DMRT1: variants seen among roughly 807,000 people sequenced by gnomAD.
The protein encoded by DMRT1 is doublesex- and mab-3-related transcription factor 1.
A neutral mutation model predicts 32.3 loss-of-function variants in DMRT1; 7 were observed. The observed-to-expected ratio is 0.22, with a 90% confidence interval of 0.12 to 0.41. The LOEUF (loss-of-function observed/expected upper bound fraction) is 0.41. DMRT1 is among the 10% of genes least tolerant of loss of function. The pLI, the probability that DMRT1 is intolerant of heterozygous loss-of-function variation, is 1.00. For missense variants in DMRT1, 625 were observed against 500.5 expected (o/e 1.25, Z -2.37); for synonymous variants, 278 against 206.1 (o/e 1.35, Z -2.99).
At position 965,994 on chromosome 9, in the gene DMRT1, G is replaced by C. The variant is rs985660442; in HGVS notation, c.968-1991G>C. On this transcript the variant is annotated intron_variant, in intron 4 of 4. Coordinates refer to ENST00000382276, the MANE Select transcript of DMRT1 (RefSeq NM_021951.3). This position sits in a 1 kb window ranked among gnomAD's most constrained non-coding sequence, Gnocchi z 4.5. ...TGTTCTTCTCCATAGCTTCTATACAGAGAAACTTCTGTCACTGGTTGGGGG... is the reference window on the plus strand; with the variant it reads ...TGTTCTTCTCCATAGCTTCTATACACAGAAACTTCTGTCACTGGTTGGGGG... 6.6e-6 allele frequency among the ~76,000 whole-genome samples: 1 copy of C among 152,144 alleles called. No homozygotes were observed. Among genetic ancestry groups the C allele is most frequent in the African/African-American group, 2.4e-5 (1 of 41,424 alleles).
intron 2 of DMRT1, among the ~76,000 whole-genome samples, chr9:888,352 C>G (rs1280227288): frequency 6.6e-6 from 1 of 150,674 alleles, no homozygotes; most frequent in East Asian, 1.9e-4. Context: ...TTTGCCCAGG[C>G]TGGAGTGCAG....
intron 3 of DMRT1, among the ~76,000 whole-genome samples, chr9:896,008 G>T (rs1817344843): frequency 6.6e-6 from 1 of 151,434 alleles, no homozygotes; most frequent in Non-Finnish European, 1.5e-5. Context: ...TTTCACCATG[G>T]TGGCCACGAT....
At chr9:875,542 C>G (rs1230374822) in intron 2 of DMRT1, among the ~76,000 whole-genome samples, 1 of 152,154 alleles carries the variant, frequency 6.6e-6, no homozygotes, top group Non-Finnish European at 1.5e-5. Context: ...TCCAGATGTA[C>G]AAATTCTGTA....
At chr9:869,790 A>C (rs566889804) in intron 2 of DMRT1, among the ~76,000 whole-genome samples, 47 of 152,134 alleles carry the variant, frequency 3.1e-4, no homozygotes, top group South Asian at 1.9e-3. Context: ...TCTGTCGCAC[A>C]GTTAATAGTC....
chr9:947,719 C>A (rs1416810206), intron 4 of DMRT1, among the ~76,000 whole-genome samples: 2 of 152,080 alleles, frequency 1.3e-5, no homozygotes, highest in African/African-American at 2.4e-5. Flanking sequence ...CGCCTCCCGA[C>A]CAACCCCTTC....
intron 1 of DMRT1, 57 bp from the exon 2 acceptor site, chr9:846,903 T>C: frequency 6.2e-7 from 1 of 1,608,506 alleles, no homozygotes; most frequent in Non-Finnish European, 8.5e-7. Context: ...GGCTTCTGTG[T>C]TTTGGCAAAG....
chr9:918,103 A>T (rs1818240266), intron 4 of DMRT1, among the ~76,000 whole-genome samples: 1 of 152,174 alleles, frequency 6.6e-6, no homozygotes, highest in African/African-American at 2.4e-5. Context: ...ATACTTTCTT[A>T]CCTGCTGTGA....
intron 4 of DMRT1, among the ~76,000 whole-genome samples, chr9:954,535 G>A (rs73380492): frequency 0.029 from 4,378 of 152,184 alleles, 221 homozygotes; most frequent in African/African-American, 0.099. Flanking sequence ...GAGGGTGTGA[G>A]CCCAAGATCC....
intron 3 of DMRT1, among the ~76,000 whole-genome samples, chr9:915,771 C>T (rs1818157885): frequency 6.7e-6 from 1 of 150,286 alleles, no homozygotes; most frequent in Non-Finnish European, 1.5e-5. Flanking sequence ...CTCGCTCTGT[C>T]GCCCAGGCTG....
intron 4 of DMRT1, among the ~76,000 whole-genome samples, chr9:959,546 T>C (rs1189697170): frequency 6.6e-6 from 1 of 152,222 alleles, no homozygotes; most frequent in African/African-American, 2.4e-5. Context: ...TTTTGTTTTT[T>C]GAGATGGAGT....
At chr9:858,943 A>G (rs572723815) in intron 2 of DMRT1, among the ~76,000 whole-genome samples, 2 of 151,610 alleles carry the variant, frequency 1.3e-5, no homozygotes, top group Admixed American at 6.6e-5. Flanking sequence ...TATTAGGTAC[A>G]TTCACCATAA....
chr9:925,452 C>T (rs548405123), intron 4 of DMRT1, among the ~76,000 whole-genome samples: 11 of 152,048 alleles, frequency 7.2e-5, no homozygotes, highest in East Asian at 1.9e-4. Context: ...TGATTAAGAA[C>T]GCAGCCCTGC....
chr9:882,251 G>A (rs182395929), intron 2 of DMRT1, among the ~76,000 whole-genome samples: 3 of 152,138 alleles, frequency 2.0e-5, no homozygotes, highest in Non-Finnish European at 4.4e-5. Context: ...TTCTCTGGGG[G>A]TGTGAAGGGG....
chr9:877,613 C>CA (rs1016153212), intron 2 of DMRT1, among the ~76,000 whole-genome samples: 1 of 151,954 alleles, frequency 6.6e-6, no homozygotes, highest in Admixed American at 6.6e-5. Context: ...CCTCCCATTC[C>CA]AAAAAAAGAA....
chr9:851,336 T>C (rs1839144166), intron 2 of DMRT1, among the ~76,000 whole-genome samples: 1 of 152,140 alleles, frequency 6.6e-6, no homozygotes, highest in Non-Finnish European at 1.5e-5. Flanking sequence ...CCTCCCGGGC[T>C]CAGACGATTC....
At chr9:961,273 C>A (rs1437378788) in intron 4 of DMRT1, among the ~76,000 whole-genome samples, 1 of 152,168 alleles carries the variant, frequency 6.6e-6, no homozygotes, top group Non-Finnish European at 1.5e-5. Context: ...CTTCTCTCCT[C>A]AGAACGCAAG....
At chr9:842,830 G>C (rs896883217) in intron 1 of DMRT1, 1 of 152,436 alleles carries the variant, frequency 6.6e-6, no homozygotes, top group Non-Finnish European at 1.5e-5. Flanking sequence ...CCCGCTCTCA[G>C]GGCAGGGAAT....
intron 3 of DMRT1, among the ~76,000 whole-genome samples, chr9:911,659 ATTGT>A (rs1318205312): frequency 1.3e-5 from 2 of 151,660 alleles, no homozygotes; most frequent in Admixed American, 6.6e-5. Context: ...CACCCAGCTA[ATTGT>A]TTGTATTTAG....
intron 3 of DMRT1, among the ~76,000 whole-genome samples, chr9:897,271 C>T (rs58861943): frequency 0.042 from 6,418 of 151,830 alleles, 297 homozygotes; most frequent in East Asian, 0.14. Context: ...TGCCATCACG[C>T]GTGGCTATTT....
Sources: allele counts gnomAD v4.1 joint callset (sites outside exome capture counted in the v4.1 genomes callset), GRCh38; gene constraint gnomAD v4.1.1; non-coding constraint Gnocchi (gnomAD v3.1); transcripts MANE v1.5; gene names NCBI Gene and HGNC (gene_info 2026-07-23, HGNC 2026-07-21).